The following SCPEP1 variants were observed in gnomAD, a reference collection of about 807,000 sequenced individuals.
SCPEP1 encodes the protein retinoid-inducible serine carboxypeptidase.
In SCPEP1, 51 loss-of-function variants were observed where a neutral mutation model predicts 63.8. That is an observed-to-expected ratio of 0.80 (90% CI 0.64 to 1.01). The LOEUF (loss-of-function observed/expected upper bound fraction) is 1.01. SCPEP1 is among the 50% of genes least tolerant of loss of function. The probability of loss-of-function intolerance (pLI) is 0.00; values close to 1 mark genes in which losing one functional copy is unlikely to be tolerated. For synonymous variants in SCPEP1, 204 were observed against 207.8 expected, an observed-to-expected ratio of 0.98 and a Z score of 0.16; for missense variants, 499 against 554.9, an observed-to-expected ratio of 0.90 and a Z score of 1.01.
intron 10 of SCPEP1, among the ~76,000 whole-genome samples, chr17:56,999,248 GCT>G (rs1911667424): frequency 2.0e-5 from 3 of 152,176 alleles, no homozygotes; most frequent in Admixed American, 1.3e-4. Flanking sequence ...ATTTTGACCA[GCT>G]CTCTCTTGCT....
chr17:56,998,180 G>A lies in SCPEP1; in HGVS notation c.881-205G>A, dbSNP rs188707676. On this transcript the variant is annotated intron_variant, in intron 9 of 12. Transcript: ENST00000262288. Reference sequence around the variant, plus strand: ...ACAAAAATGAGCTGGGCATGGTGGCGGGTGCCTGTAGTTCCAGCTACTCGG... The same window carrying A: ...ACAAAAATGAGCTGGGCATGGTGGCAGGTGCCTGTAGTTCCAGCTACTCGG... The A allele has an allele frequency of 1.9e-3, 838 of 445,180 alleles. 11 individuals carry two copies. The East Asian group carries it at 0.025, about 13-fold the overall frequency. 27.6% of individuals were successfully genotyped at this position (445,180 alleles called of 1,614,324 possible).
chr17:57,000,725 T>C, intron 10 of SCPEP1, 130 bp from the exon 11 acceptor site: 5 of 1,072,246 alleles, frequency 4.7e-6, no homozygotes, highest in South Asian at 1.4e-5. Flanking sequence ...GGCTGGTTCA[T>C]CCCTGTTTGT....
chr17:56,988,222 C>G lies in SCPEP1; in HGVS notation c.478C>G (p.Pro160Ala), dbSNP rs963134767. The G allele has an allele frequency of 1.2e-6, 2 of 1,609,410 alleles. No individual in the cohort carries two copies. The highest frequency in any genetic ancestry group is 2.2e-5 in the East Asian group (1 of 44,806). Residue 160 changes from proline to alanine, a missense_variant, in exon 5 of 13, where the codon CCA (proline) becomes GCA (alanine). Coordinates refer to ENST00000262288, the MANE Select transcript of SCPEP1 (RefSeq NM_021626.3). Reference protein sequence around the residue: ...FSCHKEFQTVPFYIFSESYGG... With the variant: ...FSCHKEFQTVAFYIFSESYGG... ...TAATTCCTTTTCTTGCTAGACAGTT[C>G]CATTCTACATTTTCTCAGAGTCCTA...
chr17:56,986,367 G>T (rs1403187864), intron 3 of SCPEP1, among the ~76,000 whole-genome samples: 1 of 151,028 alleles, frequency 6.6e-6, no homozygotes, highest in African/African-American at 2.4e-5. Flanking sequence ...TTATAGGCAT[G>T]CGCCAGCACG....
intron 8 of SCPEP1, among the ~76,000 whole-genome samples, chr17:56,996,528 A>AT (rs894871660): frequency 1.3e-4 from 19 of 145,334 alleles, no homozygotes; most frequent in African/African-American, 2.8e-4. Context: ...TTTCTTTTTT[A>AT]TTTTTTTTTG....
Position 56,997,051 on chromosome 17 carries a change from C to A in SCPEP1, c.876C>A (p.His292Gln). ...MESSLEFTQS[H>Q]LVCLCQRHVR... The stretch of plus-strand genomic sequence containing the variant: ...CGAGTCTAGAATTCACACAGAGCCA[C>A]CTAGGTGAGTGAACCTTGAAGTTAT... The change falls in exon 9 of 13, where the codon CAC becomes CAA. Residue 292 changes from histidine (H) to glutamine (Q), a missense_variant. His to Gln is a conservative substitution (Grantham distance 24). Transcript: ENST00000262288. The A allele has an allele frequency of 6.3e-7, 1 of 1,581,186 alleles. No homozygotes were observed. The highest frequency in any genetic ancestry group is 8.6e-7 in the Non-Finnish European group (1 of 1,160,694).
At chr17:56,996,207 C>CTATTTATT (rs566592657) in intron 8 of SCPEP1, among the ~76,000 whole-genome samples, 2 of 151,856 alleles carry the variant, frequency 1.3e-5, no homozygotes, top group South Asian at 2.1e-4. Context: ...CTTTTTTCCT[C>CTATTTATT]TATTTATTTA....
intron 3 of SCPEP1, among the ~76,000 whole-genome samples, chr17:56,986,246 A>C (rs1270552672): frequency 2.7e-5 from 4 of 150,416 alleles, no homozygotes; most frequent in Non-Finnish European, 3.0e-5. Flanking sequence ...TGGAAATGGA[A>C]TGTCCCTCCG....
intron 12 of SCPEP1, 91 bp downstream of exon 12, chr17:57,002,272 T>C: frequency 7.4e-7 from 1 of 1,348,724 alleles, no homozygotes; most frequent in Non-Finnish European, 1.0e-6. Context: ...CCCAGGTGGG[T>C]CTTGTAGGAA....
chr17:56,990,946 C>G (rs1011130391), intron 5 of SCPEP1, among the ~76,000 whole-genome samples, 153 bp from the exon 6 acceptor site: 1 of 152,036 alleles, frequency 6.6e-6, no homozygotes, highest in Non-Finnish European at 1.5e-5. Flanking sequence ...GATTTTTTAA[C>G]TTTTTGTAGA....
rs1240235616 is a variant in SCPEP1, at chr17:57,006,622, C to G, written c.*387C>G. ...GCACTGTTACCAATTTAGCATATGT[C>G]CTTGCAGAATTTTTTTTTCTATATA... is the stretch of plus-strand genomic sequence containing the variant. On this transcript the variant is annotated 3_prime_UTR_variant, in exon 13 of 13. Transcript: ENST00000262288. 1 of 154,894 alleles carries G rather than the reference C, an allele frequency of 6.5e-6. No individual in the cohort carries two copies. The highest frequency in any genetic ancestry group is 2.4e-5 in the African/African-American group (1 of 41,514). 9.6% of individuals were successfully genotyped at this position (154,894 alleles called of 1,614,324 possible).
intron 9 of SCPEP1, 139 bp from the exon 10 acceptor site, chr17:56,998,246 G>C (rs979596886): frequency 1.8e-6 from 1 of 568,994 alleles, no homozygotes; most frequent in African/African-American, 1.9e-5. Context: ...AGGAGGCGGA[G>C]GTTTCAGTGA....
chr17:56,983,330 C>A (rs1911121196), intron 2 of SCPEP1: 1 of 152,154 alleles, frequency 6.6e-6, no homozygotes, highest in Non-Finnish European at 1.5e-5. Flanking sequence ...CCACAAAGAC[C>A]CAACCCCTAG....
At chr17:57,000,510 C>T (rs750966424) in intron 10 of SCPEP1, among the ~76,000 whole-genome samples, 1 of 152,142 alleles carries the variant, frequency 6.6e-6, no homozygotes, top group Non-Finnish European at 1.5e-5. Flanking sequence ...TGACATTGGC[C>T]CAAAGCACAA....
chr17:56,999,222 C>T (rs949769848), intron 10 of SCPEP1, among the ~76,000 whole-genome samples: 3 of 152,072 alleles, frequency 2.0e-5, no homozygotes, highest in Non-Finnish European at 4.4e-5. Context: ...TCAGAGACAC[C>T]CAGGTGCTCG....
chr17:57,004,796 T>G (rs1284981204), intron 12 of SCPEP1, among the ~76,000 whole-genome samples: 2 of 152,260 alleles, frequency 1.3e-5, no homozygotes, highest in Non-Finnish European at 2.9e-5. Flanking sequence ...CCCATGGCTC[T>G]TCAACCAATC....
At chr17:56,997,884 A>T (rs1171737606) in intron 9 of SCPEP1, 5 of 154,326 alleles carry the variant, frequency 3.2e-5, no homozygotes, top group Non-Finnish European at 7.1e-5. Flanking sequence ...CCAACCTAAT[A>T]ATAAAGCCTC....
chr17:56,991,047 C>A, intron 5 of SCPEP1, 52 bp from the exon 6 acceptor site: 1 of 1,319,082 alleles, frequency 7.6e-7, no homozygotes, highest in Non-Finnish European at 1.1e-6. Flanking sequence ...GTTGGGATTA[C>A]TGCGTGAGCC....
chr17:57,001,236 G>T (rs1306721586), intron 11 of SCPEP1, among the ~76,000 whole-genome samples: 3 of 152,156 alleles, frequency 2.0e-5, no homozygotes, highest in Non-Finnish European at 4.4e-5. Flanking sequence ...TTAAAGAAAA[G>T]AACACCACCT....
Sources: allele counts gnomAD v4.1 joint callset (sites outside exome capture counted in the v4.1 genomes callset), GRCh38; gene constraint gnomAD v4.1.1; transcripts MANE v1.5; gene names NCBI Gene and HGNC (gene_info 2026-07-23, HGNC 2026-07-21).